DLC1: variants seen among roughly 807,000 people sequenced by gnomAD.
DLC1 encodes the protein rho GTPase-activating protein 7.
Under a neutral mutation model 140.3 loss-of-function variants are expected in DLC1, and 54 were observed. The observed-to-expected ratio is 0.38, with a 90% CI of 0.31 to 0.48. The LOEUF (loss-of-function observed/expected upper bound fraction) is 0.48, where lower values mean the gene tolerates loss of function less well. Ranked by LOEUF, DLC1 falls within the 20% of genes least tolerant of loss-of-function variation. The probability of loss-of-function intolerance (pLI) is 0.96; values close to 1 mark genes in which losing one functional copy is unlikely to be tolerated. For missense variants in DLC1, 2,536 were observed against 1,907.0 expected (o/e 1.33, Z -6.14); for synonymous variants, 986 against 728.1 (o/e 1.35, Z -5.70).
intron 5 of DLC1, chr8:13,133,565 C>G (rs1822323308): frequency 6.7e-6 from 1 of 150,304 alleles, no homozygotes; most frequent in Non-Finnish European, 1.5e-5. Flanking sequence ...CGCCCCGCGC[C>G]TCCTCCGCCG....
intron 5 of DLC1, among the ~76,000 whole-genome samples, chr8:13,156,866 G>A (rs1824294841): frequency 6.6e-6 from 1 of 152,182 alleles, no homozygotes; most frequent in Non-Finnish European, 1.5e-5. Flanking sequence ...TAAAGTCAAT[G>A]TATATTTTCC....
chr8:13,488,871 T>C (rs1801099608), intron 2 of DLC1, among the ~76,000 whole-genome samples: 1 of 152,214 alleles, frequency 6.6e-6, no homozygotes, highest in Admixed American at 6.5e-5. Flanking sequence ...ACACCACACA[T>C]AGCAAAGTGC....
rs146669058 is a variant in DLC1, at chr8:13,254,061, A to T, written c.1348+51208T>A. Among the ~76,000 whole-genome samples the T allele has an allele frequency of 7.3e-3, 1,113 of 152,180 alleles. 8 individuals carry two copies. Among genetic ancestry groups the T allele is most frequent in the Non-Finnish European group, 0.011 (768 of 68,018 alleles). On this transcript the variant is annotated intron_variant, in intron 5 of 17. Transcript: ENST00000276297. Reference sequence around the variant, plus strand: ...GCTTAGGGATATAAGCAGTCTACCAAATATTTAGGAGACCTGCTTTAGGGT... The same window carrying T: ...GCTTAGGGATATAAGCAGTCTACCATATATTTAGGAGACCTGCTTTAGGGT...
At chr8:13,422,453 T>C (rs1454021844) in intron 2 of DLC1, among the ~76,000 whole-genome samples, 1 of 152,054 alleles carries the variant, frequency 6.6e-6, no homozygotes, top group African/African-American at 2.4e-5. Flanking sequence ...ATAGTAATAT[T>C]AATAAATGAT....
intron 5 of DLC1, among the ~76,000 whole-genome samples, chr8:13,300,884 G>A (rs549732368): frequency 1.3e-5 from 2 of 152,332 alleles, no homozygotes; most frequent in South Asian, 4.1e-4. Flanking sequence ...GTAATGATTG[G>A]TTAAGTCAGG....
At chr8:13,458,847 G>A (rs992526873) in intron 2 of DLC1, among the ~76,000 whole-genome samples, 9 of 151,142 alleles carry the variant, frequency 6.0e-5, no homozygotes, top group African/African-American at 1.9e-4. Context: ...AAAAAGATGC[G>A]CTTATGACTA....
intron 3 of DLC1, among the ~76,000 whole-genome samples, chr8:13,395,246 T>C (rs1836982202): frequency 6.6e-6 from 1 of 151,760 alleles, no homozygotes; most frequent in Non-Finnish European, 1.5e-5. Context: ...TCAACCTCCT[T>C]GAGTAGCTGG....
intron 4 of DLC1, among the ~76,000 whole-genome samples, chr8:13,390,996 G>GGAAAAGAA (rs1554510891): frequency 7.1e-6 from 1 of 141,250 alleles, no homozygotes; most frequent in Non-Finnish European, 1.5e-5. Flanking sequence ...AAAAAAAAAA[G>GGAAAAGAA]AAAAAAAAAA....
chr8:13,264,914 C>T (rs2117350453), intron 5 of DLC1, among the ~76,000 whole-genome samples: 1 of 152,246 alleles, frequency 6.6e-6, no homozygotes, highest in South Asian at 2.1e-4. Flanking sequence ...ACTGCATGGC[C>T]CATTAACTAC....
intron 2 of DLC1, among the ~76,000 whole-genome samples, chr8:13,442,922 G>C (rs185448330): frequency 2.6e-5 from 4 of 152,176 alleles, no homozygotes; most frequent in African/African-American, 4.8e-5. Flanking sequence ...TATTGTGGCA[G>C]TATTCACAAT....
intron 4 of DLC1, among the ~76,000 whole-genome samples, chr8:13,316,536 C>A (rs985735643): frequency 6.6e-6 from 1 of 151,978 alleles, no homozygotes; most frequent in Non-Finnish European, 1.5e-5. Flanking sequence ...TCAACAGGGT[C>A]CTTATTCCTC....
chr8:13,393,022 CTA>C (rs1302038889), intron 4 of DLC1, among the ~76,000 whole-genome samples: 4 of 152,124 alleles, frequency 2.6e-5, no homozygotes, highest in Non-Finnish European at 4.4e-5. Flanking sequence ...TATTATCTAT[CTA>C]TGTCTGTCTA....
intron 17 of DLC1, 155 bp downstream of exon 17, chr8:13,086,135 C>T (rs1225793076): frequency 1.5e-6 from 2 of 1,332,538 alleles, no homozygotes; most frequent in Non-Finnish European, 2.0e-6. Flanking sequence ...CGCTGAAAGA[C>T]CAACAAACAT....
At chr8:13,491,716 T>TGTACCTCTTCTTCCCTC (rs1801254060) in intron 2 of DLC1, among the ~76,000 whole-genome samples, 1 of 152,150 alleles carries the variant, frequency 6.6e-6, no homozygotes, top group South Asian at 2.1e-4. Flanking sequence ...ATGATTCCCT[T>TGTACCTCTTCTTCCCTC]GTCCCTCTTC....
At position 13,496,785 on chromosome 8, in the gene DLC1, C is replaced by CTTTTTTT. The variant is rs1491502803; in HGVS notation, c.1023+2263_1023+2264insAAAAAAA. Among the ~76,000 whole-genome samples the CTTTTTTT allele has an allele frequency of 2.4e-3, 21 of 8,650 alleles. 10 individuals are homozygous for CTTTTTTT. The highest frequency in any genetic ancestry group is 6.3e-3 in the South Asian group (2 of 318). 5.7% of individuals were successfully genotyped at this position (8,650 alleles called of 152,430 possible). A position where few individuals can be genotyped will look rare whatever the true frequency, so the allele number is the denominator to read the frequency against. On this transcript the variant is annotated intron_variant, in intron 2 of 17. Coordinates refer to ENST00000276297, the MANE Select transcript of DLC1 (RefSeq NM_182643.3). ...TAATTAACAAATTCTTAGACCATTTCCTTTTTTTTTTTTTTTTTTTTTTTT... is the reference window on the plus strand; with the variant it reads ...TAATTAACAAATTCTTAGACCATTTCTTTTTTTCTTTTTTTTTTTTTTTTTTTTTTTT...
intron 2 of DLC1, among the ~76,000 whole-genome samples, chr8:13,438,096 C>A (rs954882132): frequency 6.7e-6 from 1 of 149,808 alleles, no homozygotes; most frequent in African/African-American, 2.5e-5. Flanking sequence ...ATACTTTTCT[C>A]TAAAGCAATG....
In DLC1 at chr8:13,479,248, T is replaced by C. The variant is rs1800572726; in HGVS notation, c.1023+19801A>G. On this transcript the variant is annotated intron_variant, in intron 2 of 17. Coordinates refer to ENST00000276297, the MANE Select transcript of DLC1 (RefSeq NM_182643.3). ...AAGGAAAATAAGAAAGTTAAAAATA[T>C]GACTGCAACAATAAATGTTTCAAAG... Among the ~76,000 whole-genome samples, 3 of 152,202 alleles carry C rather than the reference T, an allele frequency of 2.0e-5. No individual in the cohort carries two copies. In the South Asian group the frequency reaches 6.2e-4, roughly 31 times the overall value.
At chr8:13,588,740 G>T (rs966903813) in intron 1 of DLC1, among the ~76,000 whole-genome samples, 2 of 152,160 alleles carry the variant, frequency 1.3e-5, no homozygotes, top group East Asian at 3.9e-4. Context: ...TCTTCTCAAA[G>T]ACTAAAGATA....
chr8:13,363,841 T>C (rs1835358044), intron 4 of DLC1, among the ~76,000 whole-genome samples: 1 of 152,166 alleles, frequency 6.6e-6, no homozygotes, highest in African/African-American at 2.4e-5. Context: ...AAATGATAAC[T>C]GGAGCCATCA....
Sources: gnomAD v4.1 joint callset for allele counts (sites outside exome capture counted in the v4.1 genomes callset) on GRCh38, gnomAD v4.1.1 for gene constraint, MANE v1.5 for transcripts, NCBI Gene and HGNC (gene_info 2026-07-23, HGNC 2026-07-21) for gene names.